The following NBAS variants were observed in gnomAD, a reference collection of about 807,000 sequenced individuals.
NBAS encodes NAG/BC035112 fusion.
A neutral mutation model predicts 302.5 loss-of-function variants in NBAS; 219 were observed. The ratio of observed to expected loss-of-function variants is 0.72; its 90% confidence interval spans 0.65 to 0.81. The LOEUF (loss-of-function observed/expected upper bound fraction) is 0.81. Ranked by LOEUF, NBAS falls within the 30% of genes least tolerant of loss-of-function variation. The pLI is 0.00. For synonymous variants in NBAS, 1,118 were observed against 1,021.6 expected (o/e 1.09, Z -1.80); for missense variants, 2,932 against 2,841.6 (o/e 1.03, Z -0.72).
chr2:15,281,789 C>G (rs1669836746), intron 42 of NBAS, among the ~76,000 whole-genome samples: 1 of 152,114 alleles, frequency 6.6e-6, no homozygotes, highest in African/African-American at 2.4e-5. Context: ...AATGCATTTT[C>G]CTGTTTATGT....
At chr2:14,867,664 A>G in the NBAS span, among the ~76,000 whole-genome samples, 1 of 152,178 alleles carries the variant, frequency 6.6e-6, no homozygotes, top group African/African-American at 2.4e-5. Flanking sequence ...CATGCACATG[A>G]TTGTTGTAAA....
chr2:15,163,756 T>G (rs1663949659), downstream of NBAS, among the ~76,000 whole-genome samples: 1 of 152,090 alleles, frequency 6.6e-6, no homozygotes, highest in African/African-American at 2.4e-5. Context: ...CACGTCTTAT[T>G]CTGTGAGAAA....
chr2:15,104,845 G>A, the NBAS span, among the ~76,000 whole-genome samples: 1 of 151,990 alleles, frequency 6.6e-6, no homozygotes, highest in Non-Finnish European at 1.5e-5. Flanking sequence ...CCACATAAAT[G>A]TCTTCTTTTG....
chr2:15,342,628 G>C (rs13403179), intron 35 of NBAS, among the ~76,000 whole-genome samples: 8,743 of 151,888 alleles, frequency 0.058, 703 homozygotes, highest in African/African-American at 0.18. Flanking sequence ...AAAGATCAGA[G>C]AATAGAAAGA....
rs752508007 is a variant in NBAS at position 15,234,556 on chromosome 2, A to G, written c.6135T>C (p.Ile2045=). ...ACTTTCTAGCTTACCTCAATGCAGA[A>G]ATTATTTTCATGATTGCACTCTGCA... ...DIVQSAIMKI[I]SALSGGSADL... Residue 2045 remains isoleucine (I), a synonymous_variant, in exon 46 of 52, where the codon ATT becomes ATC. Transcript: ENST00000281513. The G allele has an allele frequency of 6.2e-7, 1 of 1,613,892 alleles. No individual in the cohort carries two copies. The highest frequency in any genetic ancestry group is 2.2e-5 in the East Asian group (1 of 44,882).
chr2:15,494,269 T>C (rs961847056), intron 11 of NBAS, among the ~76,000 whole-genome samples: 2 of 152,252 alleles, frequency 1.3e-5, no homozygotes, highest in Admixed American at 6.5e-5. Context: ...CTGCCACTAG[T>C]AGTTATGTGA....
At chr2:15,441,656 A>C (rs1351194334) in intron 21 of NBAS, among the ~76,000 whole-genome samples, 3 of 150,274 alleles carry the variant, frequency 2.0e-5, no homozygotes, top group African/African-American at 7.3e-5. Flanking sequence ...ACACATAACA[A>C]TATTAACTTT....
chr2:15,293,659 AAAG>A (rs1303997643), intron 40 of NBAS, among the ~76,000 whole-genome samples: 1 of 151,854 alleles, frequency 6.6e-6, no homozygotes, highest in African/African-American at 2.4e-5. Context: ...GAGAAAAAAA[AAAG>A]AATCTACCTT....
At chr2:15,385,912 G>A (rs755087957) in intron 28 of NBAS, among the ~76,000 whole-genome samples, 2 of 152,078 alleles carry the variant, frequency 1.3e-5, no homozygotes, top group Non-Finnish European at 2.9e-5. Context: ...GAGATGGGGT[G>A]GTAGGTAATC....
At chr2:15,160,723 T>C in the NBAS span, among the ~76,000 whole-genome samples, 1 of 152,214 alleles carries the variant, frequency 6.6e-6, no homozygotes, top group African/African-American at 2.4e-5. Context: ...AGGGAGAGTT[T>C]GCAAGGATTA....
intron 28 of NBAS, among the ~76,000 whole-genome samples, chr2:15,386,541 C>T (rs1675307240): frequency 6.6e-6 from 1 of 152,068 alleles, no homozygotes; most frequent in South Asian, 2.1e-4. Context: ...CGTAGTCTCC[C>T]TACAGATCTG....
chr2:15,017,693 C>A, the NBAS span, among the ~76,000 whole-genome samples: 5 of 151,766 alleles, frequency 3.3e-5, no homozygotes, highest in African/African-American at 1.2e-4. Context: ...GATTAGGGAA[C>A]TGTGGGAATG....
rs115097769 is a variant in NBAS at position 15,341,019 on chromosome 2, T to C, written c.4180-10254A>G. Among the ~76,000 whole-genome samples, 1,460 of 152,188 alleles carry C rather than the reference T, an allele frequency of 9.6e-3. 23 individuals carry two copies. Among genetic ancestry groups the C allele is most frequent in the African/African-American group, 0.033 (1,362 of 41,526 alleles). Reference sequence around the variant, plus strand: ...ATACTAAGTATAAACTAAAGAAATGTAGGGAACATCTATCAGAGTGGTACA... The same window carrying C: ...ATACTAAGTATAAACTAAAGAAATGCAGGGAACATCTATCAGAGTGGTACA... On this transcript the variant is annotated intron_variant, in intron 35 of 51. Transcript: ENST00000281513.
chr2:15,175,310 A>G (rs1664484278), intron 51 of NBAS, among the ~76,000 whole-genome samples: 1 of 152,120 alleles, frequency 6.6e-6, no homozygotes, highest in Non-Finnish European at 1.5e-5. Flanking sequence ...AATAGACAGC[A>G]CAGTCCAGGA....
chr2:14,837,251 T>C, the NBAS span, among the ~76,000 whole-genome samples: 9 of 151,880 alleles, frequency 5.9e-5, no homozygotes, highest in African/African-American at 2.2e-4. Flanking sequence ...AAAATCTTTG[T>C]AGTAGATGCC....
the NBAS span, among the ~76,000 whole-genome samples, chr2:14,788,731 C>G: frequency 2.0e-5 from 3 of 152,138 alleles, no homozygotes; most frequent in Non-Finnish European, 2.9e-5. Context: ...AGGTGTCAGT[C>G]TGCCCCTACT....
chr2:15,511,400 GA>G, intron 9 of NBAS, 50 bp from the exon 10 acceptor site: 1 of 1,551,958 alleles, frequency 6.4e-7, no homozygotes, highest in Non-Finnish European at 8.9e-7. Context: ...ATATAAATAA[GA>G]GCAAAACAAA....
chr2:15,310,909 C>A (rs1052695428), intron 38 of NBAS, among the ~76,000 whole-genome samples: 3 of 151,676 alleles, frequency 2.0e-5, no homozygotes, highest in Admixed American at 1.3e-4. Context: ...TGTTTTAGAA[C>A]AACAACTACA....
intron 21 of NBAS, among the ~76,000 whole-genome samples, chr2:15,457,427 G>A (rs7575722): frequency 0.61 from 92,017 of 152,060 alleles, 28,828 homozygotes; most frequent in Non-Finnish European, 0.68. Context: ...GGCAGTGAGG[G>A]GATGTCAAGG....
Sources: allele counts gnomAD v4.1 joint callset (sites outside exome capture counted in the v4.1 genomes callset), GRCh38; gene constraint gnomAD v4.1.1; transcripts MANE v1.5; gene names NCBI Gene and HGNC (gene_info 2026-07-23, HGNC 2026-07-21).